Variants in FGD6 observed in about 807,000 individuals in gnomAD.
FGD6 encodes FYVE, RhoGEF and PH domain containing 6.
In FGD6, 90 loss-of-function variants were observed where a neutral mutation model predicts 149.4. The observed-to-expected ratio is 0.60, with a 90% confidence interval of 0.51 to 0.72. The LOEUF (loss-of-function observed/expected upper bound fraction) is 0.72, where lower values mean the gene tolerates loss of function less well. Among genes scored for constraint, FGD6 ranks in the 30% least tolerant of loss-of-function variants. The pLI, the probability that FGD6 is intolerant of heterozygous loss-of-function variation, is 0.00. For missense variants in FGD6, 1,437 were observed against 1,684.8 expected, an observed-to-expected ratio of 0.85 and a Z score of 2.57; for synonymous variants, 527 against 584.0, an observed-to-expected ratio of 0.90 and a Z score of 1.41.
intron 14 of FGD6, among the ~76,000 whole-genome samples, chr12:95,098,349 C>T (rs1878310429): frequency 1.3e-5 from 2 of 152,156 alleles, no homozygotes; most frequent in Admixed American, 1.3e-4. Context: ...CATGCAGCAG[C>T]CGGATACTCT....
At chr12:95,179,102 C>A (rs1592865324) in intron 2 of FGD6, among the ~76,000 whole-genome samples, 1 of 152,160 alleles carries the variant, frequency 6.6e-6, no homozygotes, top group East Asian at 1.9e-4. Context: ...AACAGGCTTG[C>A]TTCATTTTCC....
At chr12:95,188,996 C>G (rs1004828675) in intron 2 of FGD6, among the ~76,000 whole-genome samples, 1 of 152,118 alleles carries the variant, frequency 6.6e-6, no homozygotes, top group Non-Finnish European at 1.5e-5. Context: ...AAAATGAATT[C>G]TCTAATTCCC....
intron 8 of FGD6, among the ~76,000 whole-genome samples, chr12:95,119,556 T>C (rs1271761882): frequency 1.3e-5 from 2 of 152,252 alleles, no homozygotes; most frequent in African/African-American, 4.8e-5. Flanking sequence ...TCCTGCCTTA[T>C]ACCTGCTGTC....
chr12:95,161,171 C>T (rs772394967), intron 3 of FGD6, among the ~76,000 whole-genome samples: 2 of 151,754 alleles, frequency 1.3e-5, no homozygotes, highest in Non-Finnish European at 2.9e-5. Flanking sequence ...CACATTGAAA[C>T]TTCATCTCAA....
chr12:95,108,308 C>T lies in FGD6; in HGVS notation c.3264+40G>A, dbSNP rs535755033. On this transcript the variant is annotated intron_variant, in intron 11 of 20. Coordinates refer to ENST00000343958, the MANE Select transcript of FGD6 (RefSeq NM_018351.4). Reference sequence around the variant, plus strand: ...AACAGATACAGATGGTACCTAAATGCATCGTATTAAGTTTGCGAAAAGCAA... The same window carrying T: ...AACAGATACAGATGGTACCTAAATGTATCGTATTAAGTTTGCGAAAAGCAA... 1.5e-5 allele frequency: 24 copies of T among 1,553,000 alleles called. 1 individual carries two copies. The South Asian group carries it at 2.5e-4, about 16-fold the overall frequency.
intron 5 of FGD6, among the ~76,000 whole-genome samples, chr12:95,147,969 A>C (rs747172802): frequency 6.6e-6 from 1 of 152,110 alleles, no homozygotes; most frequent in Non-Finnish European, 1.5e-5. Context: ...CAGCTGTGAA[A>C]CAGAGGCATC....
At chr12:95,148,693 T>C (rs1338990706) in intron 5 of FGD6, among the ~76,000 whole-genome samples, 4 of 106,486 alleles carry the variant, frequency 3.8e-5, no homozygotes, top group South Asian at 5.8e-4. Context: ...TTATATATAT[T>C]ATATATTATA....
At chr12:95,114,443 TACACACACACACACACACACACACAC>T (rs60238488) in intron 8 of FGD6, among the ~76,000 whole-genome samples, 300 of 125,440 alleles carry the variant, frequency 2.4e-3, no homozygotes, top group Non-Finnish European at 3.6e-3. Flanking sequence ...CCATCTCTAC[TACACACACACACACACACACACACAC>T]ACACACACAC....
chr12:95,217,404 G>A lies in FGD6; in HGVS notation c.-164C>T, dbSNP rs896751965. ...TGAGCGCCACACAAAGGACGCGGCC[G>A]ACTCTAGCGACCCTGCGGCGCTCCC... On this transcript the variant is annotated 5_prime_UTR_variant, in exon 1 of 21. Transcript: ENST00000343958. The A allele has an allele frequency of 2.0e-5, 24 of 1,172,390 alleles. No homozygotes were observed. In the East Asian group the frequency reaches 2.5e-4, roughly 12 times the overall value. 72.6% of individuals were successfully genotyped at this position (1,172,390 alleles called of 1,614,324 possible). A position where few individuals can be genotyped will look rare whatever the true frequency, so the allele number is the denominator to read the frequency against.
intron 14 of FGD6, among the ~76,000 whole-genome samples, chr12:95,096,633 T>A (rs1878240707): frequency 1.3e-5 from 2 of 152,206 alleles, no homozygotes; most frequent in Admixed American, 1.3e-4. Flanking sequence ...CCCCATGGAA[T>A]ACACATTGGA....
chr12:95,129,303 G>GCATC (rs1176512039), intron 8 of FGD6, among the ~76,000 whole-genome samples: 1,884 of 130,720 alleles, frequency 0.014, 20 homozygotes, highest in Non-Finnish European at 0.019. Context: ...ATCCATGCAT[G>GCATC]CATGCATGCA....
intron 3 of FGD6, among the ~76,000 whole-genome samples, chr12:95,156,540 A>C (rs1180553367): frequency 6.6e-6 from 1 of 152,036 alleles, no homozygotes; most frequent in Non-Finnish European, 1.5e-5. Flanking sequence ...TGTGCCCGAA[A>C]CTTCATTAGC....
At chr12:95,162,418 T>C (rs900768405) in intron 3 of FGD6, among the ~76,000 whole-genome samples, 6 of 152,032 alleles carry the variant, frequency 3.9e-5, no homozygotes, top group Admixed American at 2.6e-4. Flanking sequence ...TCCCAGCTAC[T>C]TGGGAGGCTG....
At position 95,108,535 on chromosome 12, in the gene FGD6, C is replaced by T. The variant is rs749170022; in HGVS notation, c.3160G>A (p.Ala1054Thr). Residue 1054 changes from alanine to threonine, a missense_variant, in exon 10 of 21, where the codon GCC (alanine) becomes ACC (threonine). Around this residue, in one of 2 missense-constraint regions of FGD6, gnomAD observed 382 missense variants for 538.7 expected, o/e 0.71. Coordinates refer to ENST00000343958, the MANE Select transcript of FGD6 (RefSeq NM_018351.4). ...TTCATGGTGTCATTGGCGTGGTTGG[C>T]TACCTCTATAACAACAGCAAGGGCA... ...QDALAVVIEV[A>T]NHANDTMKQG... The T allele has an allele frequency of 1.2e-6, 2 of 1,614,046 alleles. No individual in the cohort carries two copies. Among genetic ancestry groups the T allele is most frequent in the Non-Finnish European group, 1.7e-6 (2 of 1,179,936 alleles).
At chr12:95,100,794 C>T (rs1347631436) in intron 14 of FGD6, 2 of 442,250 alleles carry the variant, frequency 4.5e-6, no homozygotes, top group Admixed American at 5.1e-5. Flanking sequence ...CAGAAAAATG[C>T]CCTTTTCCCA....
At chr12:95,169,863 G>A (rs1880938935) in intron 3 of FGD6, among the ~76,000 whole-genome samples, 1 of 152,174 alleles carries the variant, frequency 6.6e-6, no homozygotes, top group Non-Finnish European at 1.5e-5. Flanking sequence ...GCTCACACCT[G>A]TAATCCCAGC....
At chr12:95,212,845 T>C (rs1314151091) in intron 1 of FGD6, among the ~76,000 whole-genome samples, 1 of 152,174 alleles carries the variant, frequency 6.6e-6, no homozygotes, top group Non-Finnish European at 1.5e-5. Flanking sequence ...TACTTCCTTT[T>C]ACCAACCAAG....
At chr12:95,192,315 T>A (rs1157742845) in intron 2 of FGD6, among the ~76,000 whole-genome samples, 1 of 152,120 alleles carries the variant, frequency 6.6e-6, no homozygotes, top group Admixed American at 6.6e-5. Flanking sequence ...GAATGATGAG[T>A]TGGTGCTGTG....
chr12:95,112,801 G>T (rs955516529), intron 9 of FGD6, among the ~76,000 whole-genome samples: 1 of 152,202 alleles, frequency 6.6e-6, no homozygotes, highest in African/African-American at 2.4e-5. Flanking sequence ...CCCTCATGTT[G>T]TAATGGATTG....
Sources: gnomAD v4.1 joint callset for allele counts (sites outside exome capture counted in the v4.1 genomes callset) on GRCh38, gnomAD v4.1.1 for gene constraint, gnomAD v4.1.1 regional missense constraint, MANE v1.5 for transcripts, NCBI Gene and HGNC (gene_info 2026-07-23, HGNC 2026-07-21) for gene names.